The following BICC1 variants were observed in gnomAD, a reference collection of about 807,000 sequenced individuals.
The protein encoded by BICC1 is BicC family RNA binding protein 1, also known as protein bicaudal C homolog 1.
In BICC1, 43 loss-of-function variants were observed where a neutral mutation model predicts 111.0. The observed-to-expected ratio is 0.39, with a 90% confidence interval of 0.30 to 0.50. BICC1 has a LOEUF of 0.50. Ranked by LOEUF, BICC1 falls within the 20% of genes least tolerant of loss-of-function variation. The pLI is 0.88. For missense variants in BICC1, 1,091 were observed against 1,203.2 expected (o/e 0.91, Z 1.38); for synonymous variants, 467 against 434.4 (o/e 1.07, Z -0.93).
At chr10:58,813,188 G>T (rs763739746) in intron 17 of BICC1, among the ~76,000 whole-genome samples, 2 of 152,150 alleles carry the variant, frequency 1.3e-5, no homozygotes, top group Non-Finnish European at 2.9e-5. Context: ...TAATAGTAGG[G>T]TGTCTATAAT....
chr10:58,776,761 A>G (rs766334821), intron 3 of BICC1, among the ~76,000 whole-genome samples: 253 of 152,246 alleles, frequency 1.7e-3, no homozygotes, highest in Non-Finnish European at 1.8e-3. Flanking sequence ...GAACTGTTAT[A>G]TACAAACCAT....
intron 3 of BICC1, among the ~76,000 whole-genome samples, chr10:58,769,930 T>C (rs925121369): frequency 1.2e-4 from 19 of 152,118 alleles, no homozygotes; most frequent in African/African-American, 4.1e-4. Flanking sequence ...GCATGAACAT[T>C]TGAAAAGCGT....
chr10:58,675,439 A>G (rs965178762), intron 2 of BICC1, among the ~76,000 whole-genome samples: 3 of 152,220 alleles, frequency 2.0e-5, no homozygotes, highest in African/African-American at 7.2e-5. Context: ...ATTTAGCCAT[A>G]AAAGAGAAGG....
At chr10:58,621,970 A>AGAATAGAATAGAATAGAAT (rs1588940629) in intron 2 of BICC1, among the ~76,000 whole-genome samples, 1 of 133,752 alleles carries the variant, frequency 7.5e-6, no homozygotes, top group Non-Finnish European at 1.7e-5. Context: ...AGAATAGAAT[A>AGAATAGAATAGAATAGAAT]ATCCAGCCTG....
intron 3 of BICC1, among the ~76,000 whole-genome samples, chr10:58,706,387 A>G (rs1840388057): frequency 6.6e-6 from 1 of 152,222 alleles, no homozygotes; most frequent in Non-Finnish European, 1.5e-5. Context: ...TCACACTGGT[A>G]TATTGTGCTG....
At chr10:58,772,429 A>G (rs2132726960) in intron 3 of BICC1, among the ~76,000 whole-genome samples, 1 of 152,302 alleles carries the variant, frequency 6.6e-6, no homozygotes, top group East Asian at 1.9e-4. Flanking sequence ...GTGTTGTCCT[A>G]TTGATTAGCA....
intron 2 of BICC1, among the ~76,000 whole-genome samples, chr10:58,697,315 T>C (rs929018038): frequency 2.0e-5 from 3 of 152,228 alleles, no homozygotes; most frequent in African/African-American, 4.8e-5. Context: ...TCTCTGTCCA[T>C]AGTAGCATTC....
intron 2 of BICC1, among the ~76,000 whole-genome samples, chr10:58,647,879 A>G (rs1263260514): frequency 6.6e-6 from 1 of 152,192 alleles, no homozygotes; most frequent in Non-Finnish European, 1.5e-5. Flanking sequence ...TTTAGCTGTG[A>G]CCAGAATTAC....
intron 3 of BICC1, among the ~76,000 whole-genome samples, chr10:58,702,397 G>T (rs1354937716): frequency 2.0e-5 from 3 of 152,148 alleles, no homozygotes; most frequent in East Asian, 3.8e-4. Context: ...TTTCAAGGAT[G>T]CTTATTCGAT....
intron 20 of BICC1, 88 bp downstream of exon 20, chr10:58,820,556 G>T: frequency 1.1e-6 from 1 of 905,370 alleles, no homozygotes; most frequent in South Asian, 1.4e-5. Flanking sequence ...CCCATTAACT[G>T]CTGGCTTACT....
At chr10:58,791,123 A>G (rs779419328) in intron 8 of BICC1, among the ~76,000 whole-genome samples, 1 of 152,322 alleles carries the variant, frequency 6.6e-6, no homozygotes, top group African/African-American at 2.4e-5. Flanking sequence ...GAAATTTGTC[A>G]TGATTTTTTT....
At chr10:58,696,231 G>A (rs1360516565) in intron 2 of BICC1, among the ~76,000 whole-genome samples, 1 of 151,746 alleles carries the variant, frequency 6.6e-6, no homozygotes, top group Non-Finnish European at 1.5e-5. Context: ...TAAATATAAA[G>A]TGGAAAGTTA....
At chr10:58,801,287 T>C (rs1378740774) in intron 14 of BICC1, among the ~76,000 whole-genome samples, 2 of 152,174 alleles carry the variant, frequency 1.3e-5, no homozygotes, top group Non-Finnish European at 2.9e-5. Context: ...CTCTAAACCG[T>C]CTGTATTACT....
intron 3 of BICC1, among the ~76,000 whole-genome samples, chr10:58,713,256 T>TTC (rs1399622948): frequency 1.3e-5 from 2 of 152,234 alleles, no homozygotes; most frequent in African/African-American, 4.8e-5. Context: ...CTTGGGCTCC[T>TTC]TCTCCCTCAA....
chr10:58,763,981 A>C (rs1189240506), intron 3 of BICC1, among the ~76,000 whole-genome samples: 1 of 152,168 alleles, frequency 6.6e-6, no homozygotes, highest in African/African-American at 2.4e-5. Context: ...ATATCAAATG[A>C]AGACTCACAG....
At chr10:58,651,469 G>C (rs1838446631) in intron 2 of BICC1, among the ~76,000 whole-genome samples, 1 of 152,182 alleles carries the variant, frequency 6.6e-6, no homozygotes, top group Admixed American at 6.5e-5. Context: ...CTGTTCAGAT[G>C]TTGTTTCTCT....
intron 12 of BICC1, among the ~76,000 whole-genome samples, 174 bp downstream of exon 12, chr10:58,799,426 A>T (rs1425771592): frequency 6.6e-6 from 1 of 152,094 alleles, no homozygotes; most frequent in African/African-American, 2.4e-5. Context: ...AATTTTATTT[A>T]TTTTTTTCAA....
In BICC1 at chr10:58,567,797, A is replaced by G. The variant is rs553489814; in HGVS notation, c.191-53058A>G. On this transcript the variant is annotated intron_variant, in intron 1 of 20. Transcript: ENST00000373886. The stretch of plus-strand genomic sequence containing the variant: ...CTGCTATCTAGAGACTCCCTGATCA[A>G]TTGTGCTTGGAAGTGTGAATACCCA... Among the ~76,000 whole-genome samples the G allele has an allele frequency of 6.6e-5, 10 of 152,124 alleles. No homozygotes were observed. In the East Asian group the frequency reaches 1.5e-3, roughly 24 times the overall value.
chr10:58,607,704 G>A lies in BICC1; in HGVS notation c.191-13151G>A, dbSNP rs776186270. 2.2e-4 allele frequency among the ~76,000 whole-genome samples: 34 copies of A among 152,174 alleles called. 1 individual carries two copies. Among genetic ancestry groups the A allele is most frequent in the Non-Finnish European group, 4.3e-4 (29 of 68,020 alleles). Reference sequence around the variant, plus strand: ...TTTGCTTTTGCTTATATTTTGGATTGAGGCAGTAAAACTGTTTCTGCTTTG... The same window carrying A: ...TTTGCTTTTGCTTATATTTTGGATTAAGGCAGTAAAACTGTTTCTGCTTTG... On this transcript the variant is annotated intron_variant, in intron 1 of 20. Coordinates refer to ENST00000373886, the MANE Select transcript of BICC1 (RefSeq NM_001080512.3).
Sources: allele counts gnomAD v4.1 joint callset (sites outside exome capture counted in the v4.1 genomes callset), GRCh38; gene constraint gnomAD v4.1.1; transcripts MANE v1.5; gene names NCBI Gene and HGNC (gene_info 2026-07-23, HGNC 2026-07-21).